The following ARHGAP24 variants were observed in gnomAD, a reference collection of about 807,000 sequenced individuals.
The protein encoded by ARHGAP24 is Rho GTPase activating protein 24.
Under a neutral mutation model 76.4 loss-of-function variants are expected in ARHGAP24, and 50 were observed. The observed-to-expected ratio is 0.65, with a 90% CI of 0.52 to 0.83. The LOEUF is 0.83. Among genes scored for constraint, ARHGAP24 ranks in the 40% least tolerant of loss-of-function variants. ARHGAP24 has a pLI of 0.00. For synonymous variants in ARHGAP24, 345 were observed against 323.3 expected, an observed-to-expected ratio of 1.07 and a Z score of -0.72; for missense variants, 930 against 914.2, an observed-to-expected ratio of 1.02 and a Z score of -0.22.
chr4:86,002,088 G>A lies in ARHGAP24; in HGVS notation c.*1366G>A, dbSNP rs556041153. 1 of 152,234 alleles carries A rather than the reference G, an allele frequency of 6.6e-6. No homozygotes were observed. Among genetic ancestry groups the A allele is most frequent in the Admixed American group, 6.5e-5 (1 of 15,304 alleles). 9.4% of individuals were successfully genotyped at this position (152,234 alleles called of 1,614,324 possible). ...CACAATAAGGCAATGGTTTTGAGAG[G>A]CCAGGCAAATAATCTTTCTCACCGT... On this transcript the variant is annotated 3_prime_UTR_variant, in exon 10 of 10. Coordinates refer to ENST00000395184, the MANE Select transcript of ARHGAP24 (RefSeq NM_001025616.3).
At chr4:85,919,201 G>T (rs17011205) in intron 3 of ARHGAP24, among the ~76,000 whole-genome samples, 1 of 152,114 alleles carries the variant, frequency 6.6e-6, no homozygotes, top group African/African-American at 2.4e-5. Context: ...ATTAAGTCCC[G>T]TAAAGGGCTA....
At chr4:85,811,795 C>T (rs974371717) in intron 3 of ARHGAP24, among the ~76,000 whole-genome samples, 1 of 152,128 alleles carries the variant, frequency 6.6e-6, no homozygotes, top group Admixed American at 6.5e-5. Context: ...CTTTTTTAAA[C>T]AAAGTCATAT....
At chr4:85,663,781 T>A (rs1332508010) in intron 2 of ARHGAP24, among the ~76,000 whole-genome samples, 5 of 151,798 alleles carry the variant, frequency 3.3e-5, no homozygotes, top group Non-Finnish European at 7.4e-5. Flanking sequence ...GATACTCATG[T>A]GGTTTTTGTC....
At position 85,568,867 on chromosome 4, in the gene ARHGAP24, A is replaced by G. The variant is rs547360158; in HGVS notation, c.-20-1655A>G. ...AAGAGGTGAAGATTAAGGCAAGGAT[A>G]GTGATAGATTGAAATATATGCCAGT... On this transcript the variant is annotated intron_variant, in intron 1 of 9. Coordinates refer to ENST00000395184, the MANE Select transcript of ARHGAP24 (RefSeq NM_001025616.3). 3.9e-5 allele frequency among the ~76,000 whole-genome samples: 6 copies of G among 152,336 alleles called. No individual in the cohort carries two copies. The South Asian group carries it at 1.2e-3, about 32-fold the overall frequency.
intron 1 of ARHGAP24, among the ~76,000 whole-genome samples, chr4:85,524,802 G>A (rs1204233045): frequency 6.6e-6 from 1 of 152,142 alleles, no homozygotes; most frequent in Non-Finnish European, 1.5e-5. Flanking sequence ...TACTGTAACT[G>A]GTGGCCTAGG....
intron 1 of ARHGAP24, among the ~76,000 whole-genome samples, chr4:85,527,377 A>G (rs1435452722): frequency 3.9e-5 from 6 of 152,106 alleles, no homozygotes; most frequent in Non-Finnish European, 7.4e-5. Context: ...TATGATGATA[A>G]ATGGCATATT....
chr4:85,581,365 T>C (rs1236239530), intron 2 of ARHGAP24, among the ~76,000 whole-genome samples: 1 of 152,178 alleles, frequency 6.6e-6, no homozygotes, highest in East Asian at 1.9e-4. Flanking sequence ...AATTTCTACT[T>C]AAACATGTTT....
intron 2 of ARHGAP24, among the ~76,000 whole-genome samples, chr4:85,665,169 A>G (rs1419634878): frequency 1.3e-5 from 2 of 152,120 alleles, no homozygotes; most frequent in Admixed American, 6.5e-5. Flanking sequence ...GTAGGTCACT[A>G]AGGACTTGCT....
intron 5 of ARHGAP24, among the ~76,000 whole-genome samples, chr4:85,957,258 T>C (rs562924425): frequency 6.6e-6 from 1 of 152,366 alleles, no homozygotes; most frequent in Non-Finnish European, 1.5e-5. Flanking sequence ...TTAAATGTAT[T>C]CACAGTTTTC....
intron 3 of ARHGAP24, among the ~76,000 whole-genome samples, chr4:85,803,345 G>A (rs937903941): frequency 6.6e-6 from 1 of 152,140 alleles, no homozygotes; most frequent in African/African-American, 2.4e-5. Context: ...ACTGCTTAGT[G>A]CTAGTAATAT....
At chr4:85,498,249 C>T (rs991925578) in intron 1 of ARHGAP24, among the ~76,000 whole-genome samples, 2 of 152,054 alleles carry the variant, frequency 1.3e-5, no homozygotes, top group Non-Finnish European at 2.9e-5. Flanking sequence ...AAATAATGGC[C>T]ATCTTATACC....
chr4:85,555,779 T>C (rs558736294), intron 1 of ARHGAP24, among the ~76,000 whole-genome samples: 1 of 152,246 alleles, frequency 6.6e-6, no homozygotes, highest in Non-Finnish European at 1.5e-5. Flanking sequence ...CCACTCCCAG[T>C]TGGGGCTATC....
chr4:85,568,033 C>A (rs1726917182), intron 1 of ARHGAP24, among the ~76,000 whole-genome samples: 1 of 152,112 alleles, frequency 6.6e-6, no homozygotes, highest in Non-Finnish European at 1.5e-5. Context: ...TCATTGACTT[C>A]GGTCAGACTT....
At chr4:85,643,224 GTTTTTTTGTGTTTTTTTTTTTTTTT>G (rs1560566219) in intron 2 of ARHGAP24, among the ~76,000 whole-genome samples, 1 of 101,552 alleles carries the variant, frequency 9.8e-6, no homozygotes, top group African/African-American at 4.0e-5. Flanking sequence ...TTTATTTTCC[GTTTTTTTGTGTTTTTTTTTTTTTTT>G]TTTTTTTTTT....
intron 3 of ARHGAP24, among the ~76,000 whole-genome samples, chr4:85,902,431 C>T (rs1734551357): frequency 6.6e-6 from 1 of 152,120 alleles, no homozygotes; most frequent in Non-Finnish European, 1.5e-5. Flanking sequence ...CTTCCCCATT[C>T]CATTGCAAAT....
intron 2 of ARHGAP24, among the ~76,000 whole-genome samples, chr4:85,661,165 G>A (rs1044214674): frequency 6.6e-6 from 1 of 152,196 alleles, no homozygotes; most frequent in East Asian, 1.9e-4. Flanking sequence ...TGCTTCTGCA[G>A]TTGAATGCAG....
At chr4:85,718,980 G>C (rs1336697311) in intron 2 of ARHGAP24, among the ~76,000 whole-genome samples, 4 of 152,058 alleles carry the variant, frequency 2.6e-5, no homozygotes, top group African/African-American at 9.7e-5. Flanking sequence ...AGAACCTGAA[G>C]ATATAGAACT....
chr4:85,978,708 A>T (rs886134547), intron 8 of ARHGAP24, among the ~76,000 whole-genome samples: 14 of 152,166 alleles, frequency 9.2e-5, no homozygotes, highest in African/African-American at 3.4e-4. Flanking sequence ...CACCACACAC[A>T]TGCACACACA....
chr4:85,680,542 A>AACTT (rs1358069874), intron 2 of ARHGAP24, among the ~76,000 whole-genome samples: 1 of 152,072 alleles, frequency 6.6e-6, no homozygotes, highest in African/African-American at 2.4e-5. Context: ...TCTTCATTCC[A>AACTT]ACTTACAGTA....
Sources: allele counts gnomAD v4.1 joint callset (sites outside exome capture counted in the v4.1 genomes callset), GRCh38; gene constraint gnomAD v4.1.1; transcripts MANE v1.5; gene names NCBI Gene and HGNC (gene_info 2026-07-23, HGNC 2026-07-21).